The following DEFB131B variants were observed in gnomAD, a reference collection of about 807,000 sequenced individuals.
DEFB131B encodes the protein beta-defensin 131B.
In DEFB131B, 2 loss-of-function variants were observed where a neutral mutation model predicts 2.1. That is an observed-to-expected ratio of 0.94 (90% confidence interval 0.38 to 2.95). The LOEUF is 2.95. Ranked by LOEUF, DEFB131B falls within the 30% of genes most tolerant of loss-of-function variation. The probability of loss-of-function intolerance (pLI) is 0.09; values close to 1 mark genes in which losing one functional copy is unlikely to be tolerated. For missense variants in DEFB131B, 77 were observed against 78.5 expected (o/e 0.98, Z 0.07); for synonymous variants, 26 against 25.8 (o/e 1.01, Z -0.03).
At chr11:71,879,055 A>T (rs551926766) in intron 1 of DEFB131B, among the ~76,000 whole-genome samples, 8 of 152,166 alleles carry the variant, frequency 5.3e-5, no homozygotes, top group Non-Finnish European at 5.9e-5. Context: ...TGATCAAAAG[A>T]TGGTGAGAGG....
intron 1 of DEFB131B, among the ~76,000 whole-genome samples, chr11:71,883,746 A>G (rs1952593048): frequency 6.6e-6 from 1 of 152,164 alleles, no homozygotes; most frequent in South Asian, 2.1e-4. Flanking sequence ...TTTAAAGGGA[A>G]TATTTATGGG....
intron 1 of DEFB131B, among the ~76,000 whole-genome samples, chr11:71,882,062 A>C (rs1952567060): frequency 6.6e-6 from 1 of 152,130 alleles, no homozygotes; most frequent in South Asian, 2.1e-4. Flanking sequence ...ATTATATTGA[A>C]ACTGCCAAAA....
intron 1 of DEFB131B, among the ~76,000 whole-genome samples, chr11:71,879,851 T>A (rs1047383657): frequency 6.6e-6 from 1 of 152,186 alleles, no homozygotes; most frequent in Non-Finnish European, 1.5e-5. Flanking sequence ...ATCTGATCCT[T>A]CATGTCTGCC....
chr11:71,882,347 C>T (rs1450598909), intron 1 of DEFB131B, among the ~76,000 whole-genome samples: 5 of 152,096 alleles, frequency 3.3e-5, no homozygotes, highest in Non-Finnish European at 5.9e-5. Flanking sequence ...GCCTCCGCTT[C>T]CTGGGTCCAA....
Position 71,878,506 on chromosome 11 carries a change from T to G in DEFB131B, c.54T>G (p.Pro18=). 1 of 1,611,266 alleles carries G rather than the reference T, an allele frequency of 6.2e-7. No homozygotes were observed. The highest frequency in any genetic ancestry group is 1.1e-5 in the South Asian group (1 of 90,924). Residue 18 remains proline (P), a synonymous_variant, in exon 1 of 2, where the codon CCT becomes CCG. Transcript: ENST00000530210. ...FGVLSLMSTV[P]PTRSFTSNDE... is the part of the protein sequence containing the mutation. ...TCCTTTCCTTGATGTCCACAGTTCC[T>G]CCAAGTAAGGCAGAAACTTTTTTAT...
chr11:71,881,653 C>T (rs1295693680), intron 1 of DEFB131B, among the ~76,000 whole-genome samples: 1 of 151,730 alleles, frequency 6.6e-6, no homozygotes, highest in African/African-American at 2.4e-5. Flanking sequence ...AAAAAATCTT[C>T]AAATATGATT....
chr11:71,879,697 C>A (rs1952547971), intron 1 of DEFB131B, among the ~76,000 whole-genome samples: 1 of 151,820 alleles, frequency 6.6e-6, no homozygotes, highest in African/African-American at 2.4e-5. Context: ...AATTGTGCAC[C>A]CCTCACCATT....
At chr11:71,884,314 G>A in intron 1 of DEFB131B, 93 bp from the exon 2 acceptor site, 2 of 1,343,816 alleles carry the variant, frequency 1.5e-6, no homozygotes, top group Non-Finnish European at 9.7e-7. Context: ...GGAAAGTTCT[G>A]TAATGCTTTT....
rs114471501 is a variant in DEFB131B, at chr11:71,882,943, T to G, written c.59-1464T>G. 4.7e-3 allele frequency among the ~76,000 whole-genome samples: 722 copies of G among 152,286 alleles called. 6 individuals carry two copies. Among genetic ancestry groups the G allele is most frequent in the African/African-American group, 0.017 (691 of 41,542 alleles). On this transcript the variant is annotated intron_variant, in intron 1 of 1. Coordinates refer to ENST00000530210, the MANE Select transcript of DEFB131B (RefSeq NM_001242853.1). Reference sequence around the variant, plus strand: ...AACCTACAAATACCAGTTGTGTTTCTATAGCACTAACAGCAAGCAACTGGA... The same window carrying G: ...AACCTACAAATACCAGTTGTGTTTCGATAGCACTAACAGCAAGCAACTGGA...
intron 1 of DEFB131B, among the ~76,000 whole-genome samples, chr11:71,882,064 CT>C (rs1032584392): frequency 6.6e-6 from 1 of 151,734 alleles, no homozygotes; most frequent in Non-Finnish European, 1.5e-5. Context: ...TATATTGAAA[CT>C]GCCAAAAATC....
At chr11:71,881,699 A>G (rs1021097996) in intron 1 of DEFB131B, among the ~76,000 whole-genome samples, 3 of 152,192 alleles carry the variant, frequency 2.0e-5, no homozygotes, top group African/African-American at 7.2e-5. Flanking sequence ...ACTTTAACAT[A>G]CAAATTTTGG....
At chr11:71,881,183 A>C (rs1294289790) in intron 1 of DEFB131B, among the ~76,000 whole-genome samples, 1 of 152,166 alleles carries the variant, frequency 6.6e-6, no homozygotes, top group Non-Finnish European at 1.5e-5. Flanking sequence ...TAATATATCT[A>C]TTCCACTACT....
intron 1 of DEFB131B, among the ~76,000 whole-genome samples, chr11:71,880,465 C>G (rs1430190492): frequency 6.6e-6 from 1 of 152,142 alleles, no homozygotes; most frequent in East Asian, 1.9e-4. Flanking sequence ...TTCCAAAAGT[C>G]AACTTTTTGT....
chr11:71,884,403 A>G lies in DEFB131B; in HGVS notation c.59-4A>G. 6.4e-7 allele frequency: 1 copy of G among 1,571,008 alleles called. No homozygotes were observed. Among genetic ancestry groups the G allele is most frequent in the Non-Finnish European group, 8.6e-7 (1 of 1,159,054 alleles). Reference sequence around the variant, plus strand: ...GTCATATAATTTGTCTTCTCTTTTTAAAGCCAGAAGCTTCACTTCTAATGA... The same window carrying G: ...GTCATATAATTTGTCTTCTCTTTTTGAAGCCAGAAGCTTCACTTCTAATGA... On this transcript the variant is annotated splice_polypyrimidine_tract_variant and splice_region_variant and intron_variant, in intron 1 of 1. Transcript: ENST00000530210.
intron 1 of DEFB131B, among the ~76,000 whole-genome samples, chr11:71,883,877 T>C (rs1190380623): frequency 6.6e-6 from 1 of 152,158 alleles, no homozygotes; most frequent in Non-Finnish European, 1.5e-5. Context: ...TGACCCCTTC[T>C]CTCAATTAAG....
At chr11:71,881,287 G>GT (rs1259485372) in intron 1 of DEFB131B, among the ~76,000 whole-genome samples, 1 of 151,962 alleles carries the variant, frequency 6.6e-6, no homozygotes, top group African/African-American at 2.4e-5. Context: ...CTCTTTTTAT[G>GT]TTTTTTCACT....
At chr11:71,882,932 A>G (rs1952581993) in intron 1 of DEFB131B, among the ~76,000 whole-genome samples, 1 of 152,180 alleles carries the variant, frequency 6.6e-6, no homozygotes, top group Non-Finnish European at 1.5e-5. Flanking sequence ...TACAAATACC[A>G]GTTGTGTTTC....
chr11:71,878,914 C>T (rs1952542702), intron 1 of DEFB131B, among the ~76,000 whole-genome samples: 2 of 151,996 alleles, frequency 1.3e-5, no homozygotes, highest in African/African-American at 4.8e-5. Flanking sequence ...GCAGGAGGAT[C>T]GCTTGAGCCT....
chr11:71,882,190 G>A (rs1385730912), intron 1 of DEFB131B, among the ~76,000 whole-genome samples: 1 of 149,858 alleles, frequency 6.7e-6, no homozygotes, highest in African/African-American at 2.5e-5. Context: ...CAAAAAGAGA[G>A]GAAAGTGAAA....
Sources: allele counts gnomAD v4.1 joint callset (sites outside exome capture counted in the v4.1 genomes callset), GRCh38; gene constraint gnomAD v4.1.1; transcripts MANE v1.5; gene names NCBI Gene and HGNC (gene_info 2026-07-23, HGNC 2026-07-21).